The following NTRK2 variants were observed in gnomAD, a reference collection of about 807,000 sequenced individuals.
NTRK2 encodes the protein neurotrophic receptor tyrosine kinase 2, also known as BDNF/NT-3 growth factors receptor.
Under a neutral mutation model 94.5 loss-of-function variants are expected in NTRK2, and 13 were observed. That is an observed-to-expected ratio of 0.14 (90% CI 0.09 to 0.22). The LOEUF is 0.22. Ranked by LOEUF, NTRK2 falls within the 10% of genes least tolerant of loss-of-function variation. NTRK2 has a pLI of 1.00. For missense variants in NTRK2, 639 were observed against 1,071.2 expected (o/e 0.60, Z 5.63); for synonymous variants, 372 against 407.4 (o/e 0.91, Z 1.05).
intron 14 of NTRK2, among the ~76,000 whole-genome samples, chr9:84,920,557 C>T (rs1161549838): frequency 2.0e-5 from 3 of 152,178 alleles, no homozygotes; most frequent in Non-Finnish European, 4.4e-5. Flanking sequence ...CTAGCCTCCA[C>T]CAAATGGGGC....
chr9:84,921,351 A>G (rs1439480046), intron 14 of NTRK2, among the ~76,000 whole-genome samples: 1 of 152,234 alleles, frequency 6.6e-6, no homozygotes, highest in Non-Finnish European at 1.5e-5. Context: ...CCTTATCTCA[A>G]GACAGAGGAG....
chr9:84,923,485 T>C (rs1780173812), intron 14 of NTRK2, among the ~76,000 whole-genome samples: 1 of 152,204 alleles, frequency 6.6e-6, no homozygotes, highest in Non-Finnish European at 1.5e-5. Flanking sequence ...AAGATACAGG[T>C]CAGGGAAGCC....
intron 12 of NTRK2, chr9:84,815,366 T>C: frequency 1.9e-6 from 2 of 1,046,092 alleles, no homozygotes; most frequent in Non-Finnish European, 2.3e-6. Context: ...TTTTATCACC[T>C]TTATTGTAAG....
At chr9:84,691,027 G>T (rs553259545) in intron 2 of NTRK2, among the ~76,000 whole-genome samples, 1 of 152,226 alleles carries the variant, frequency 6.6e-6, no homozygotes, top group East Asian at 1.9e-4. Flanking sequence ...AGGGATGAAA[G>T]AATTAAAGAC....
At chr9:84,930,635 G>A (rs1402312359) in intron 14 of NTRK2, among the ~76,000 whole-genome samples, 2 of 152,170 alleles carry the variant, frequency 1.3e-5, no homozygotes, top group Non-Finnish European at 2.9e-5. Context: ...GGAGAGTTGA[G>A]GAAATAAGGA....
intron 10 of NTRK2, 63 bp from the exon 11 acceptor site, chr9:84,744,910 G>C: frequency 9.1e-7 from 1 of 1,102,190 alleles, no homozygotes; most frequent in Non-Finnish European, 1.4e-6. Context: ...CTGTGGCCCT[G>C]TGTTTGTTGG....
At chr9:84,837,927 C>T (rs912574581) in intron 12 of NTRK2, among the ~76,000 whole-genome samples, 1 of 152,078 alleles carries the variant, frequency 6.6e-6, no homozygotes, top group Non-Finnish European at 1.5e-5. Flanking sequence ...ATATTATTAC[C>T]ATTATTTTAT....
chr9:84,713,455 A>G (rs1487642624), intron 6 of NTRK2, among the ~76,000 whole-genome samples: 2 of 151,832 alleles, frequency 1.3e-5, no homozygotes, highest in Non-Finnish European at 2.9e-5. Flanking sequence ...ATCATCTGGG[A>G]TTTTATTTTT....
chr9:84,809,882 GAAAAAAAAAA>G (rs35481612), intron 12 of NTRK2, among the ~76,000 whole-genome samples: 1 of 118,778 alleles, frequency 8.4e-6, no homozygotes, highest in Non-Finnish European at 1.7e-5. Context: ...ACTCTGTCTG[GAAAAAAAAAA>G]AAAAAAAAAA....
intron 12 of NTRK2, among the ~76,000 whole-genome samples, chr9:84,781,593 C>G (rs1181605337): frequency 6.6e-6 from 1 of 152,092 alleles, no homozygotes; most frequent in South Asian, 2.1e-4. Flanking sequence ...CGGTTAAAAA[C>G]AATACCTATT....
chr9:84,765,641 C>T (rs1040327347), intron 12 of NTRK2, among the ~76,000 whole-genome samples: 1 of 152,138 alleles, frequency 6.6e-6, no homozygotes, highest in Admixed American at 6.6e-5. Context: ...CACAACACAA[C>T]TTATTTCCAT....
chr9:85,023,610 A>C lies in NTRK2; in HGVS notation c.*2173A>C, dbSNP rs1033721910. 1 of 230,870 alleles carries C rather than the reference A, an allele frequency of 4.3e-6. No individual in the cohort carries two copies. Among genetic ancestry groups the C allele is most frequent in the African/African-American group, 2.2e-5 (1 of 45,132 alleles). The allele number at this position is 230,870 out of a possible 1,614,324, so 14.3% of individuals were successfully genotyped here. A position where few individuals can be genotyped will look rare whatever the true frequency, so the allele number is the denominator to read the frequency against. ...TGATTTTAAAAAAACCCTCTAGAATACACATAATAACATAATGAAAGCCAT... is the reference window on the plus strand; with the variant it reads ...TGATTTTAAAAAAACCCTCTAGAATCCACATAATAACATAATGAAAGCCAT... On this transcript the variant is annotated 3_prime_UTR_variant, in exon 19 of 19. Transcript: ENST00000277120.
chr9:84,880,413 T>C (rs958611326), intron 14 of NTRK2, among the ~76,000 whole-genome samples: 1 of 152,218 alleles, frequency 6.6e-6, no homozygotes, highest in Non-Finnish European at 1.5e-5. Context: ...CCAGCCTTGA[T>C]GCGAATCTTA....
intron 14 of NTRK2, among the ~76,000 whole-genome samples, chr9:84,895,619 G>T (rs2076734842): frequency 6.6e-6 from 1 of 152,230 alleles, no homozygotes; most frequent in Non-Finnish European, 1.5e-5. Context: ...AAAGAGGGAA[G>T]TCCTGTTGAA....
chr9:84,968,081 G>A (rs1363732765), intron 17 of NTRK2, among the ~76,000 whole-genome samples: 1 of 152,182 alleles, frequency 6.6e-6, no homozygotes, highest in African/African-American at 2.4e-5. Context: ...CTCCTTTTAT[G>A]TCTCAGCTTG....
rs528543831 is a variant in NTRK2, at chr9:84,775,461, A to T, written c.1396+23376A>T. On this transcript the variant is annotated intron_variant, in intron 12 of 18. Transcript: ENST00000277120. The stretch of plus-strand genomic sequence containing the variant: ...ATTGCCAGCAACATAAACCATAAAG[A>T]TTGTAATTTGCCTGGTTTATTGCTT... 4.6e-3 allele frequency among the ~76,000 whole-genome samples: 704 copies of T among 152,242 alleles called. 6 individuals are homozygous for T. The highest frequency in any genetic ancestry group is 0.016 in the African/African-American group (665 of 41,532).
At chr9:84,940,735 T>TAA (rs112747441) in intron 15 of NTRK2, among the ~76,000 whole-genome samples, 48 of 146,788 alleles carry the variant, frequency 3.3e-4, no homozygotes, top group African/African-American at 7.4e-4. Context: ...TGGAACAGTT[T>TAA]AAAAAAAAAA....
intron 12 of NTRK2, among the ~76,000 whole-genome samples, chr9:84,822,676 G>A (rs2072927915): frequency 6.6e-6 from 1 of 152,122 alleles, no homozygotes; most frequent in Non-Finnish European, 1.5e-5. Flanking sequence ...GGAGTTACTG[G>A]CGAGGCTGCT....
chr9:84,875,801 C>A (rs1477640893), intron 14 of NTRK2: 2 of 1,048,416 alleles, frequency 1.9e-6, no homozygotes, highest in Non-Finnish European at 2.3e-6. Context: ...GGCCTCTAGA[C>A]CTAGACTGGG....
Sources: allele counts gnomAD v4.1 joint callset (sites outside exome capture counted in the v4.1 genomes callset), GRCh38; gene constraint gnomAD v4.1.1; transcripts MANE v1.5; gene names NCBI Gene and HGNC (gene_info 2026-07-23, HGNC 2026-07-21).